DHCR24: variants seen among roughly 807,000 people sequenced by gnomAD.
DHCR24 encodes delta(24)-sterol reductase.
DHCR24 carries 28 observed loss-of-function variants against 61.2 expected under a neutral mutation model. The ratio of observed to expected loss-of-function variants is 0.46; its 90% confidence interval spans 0.34 to 0.63. DHCR24 has a LOEUF of 0.63. Ranked by LOEUF, DHCR24 falls within the 20% of genes least tolerant of loss-of-function variation. The pLI is 0.01. For missense variants in DHCR24, 538 were observed against 679.1 expected (o/e 0.79, Z 2.31); for synonymous variants, 261 against 275.9 (o/e 0.95, Z 0.54).
At chr1:54,868,409 G>C (rs1406318645) in intron 5 of DHCR24, among the ~76,000 whole-genome samples, 2 of 152,022 alleles carry the variant, frequency 1.3e-5, no homozygotes, top group Admixed American at 1.3e-4. Flanking sequence ...GGTGGAGCTT[G>C]CAGTGAGCCG....
chr1:54,852,858 C>T (rs921190339), intron 8 of DHCR24, among the ~76,000 whole-genome samples: 1 of 152,184 alleles, frequency 6.6e-6, no homozygotes, highest in Non-Finnish European at 1.5e-5. Context: ...CTTAGTTATC[C>T]GTTGCCCTCT....
intron 6 of DHCR24, among the ~76,000 whole-genome samples, chr1:54,861,609 C>G (rs550545193): frequency 2.3e-4 from 35 of 152,256 alleles, no homozygotes; most frequent in African/African-American, 8.2e-4. Context: ...CATAACACAC[C>G]CTTGGGTCCT....
intron 6 of DHCR24, among the ~76,000 whole-genome samples, chr1:54,860,424 G>A (rs1369219583): frequency 6.6e-6 from 1 of 152,112 alleles, no homozygotes; most frequent in Non-Finnish European, 1.5e-5. Flanking sequence ...CCCTCTTTAA[G>A]TGGTATCATT....
intron 8 of DHCR24, among the ~76,000 whole-genome samples, chr1:54,852,835 T>A (rs1173004037): frequency 6.6e-6 from 1 of 152,186 alleles, no homozygotes; most frequent in Admixed American, 6.5e-5. Context: ...AGCCCCAAAC[T>A]TTCCCCATGC....
intron 6 of DHCR24, among the ~76,000 whole-genome samples, chr1:54,856,941 G>C (rs1570181232): frequency 6.6e-6 from 1 of 152,168 alleles, no homozygotes; most frequent in Non-Finnish European, 1.5e-5. Flanking sequence ...CATTCTGATA[G>C]GTGAAAAATG....
chr1:54,880,113 T>TG (rs1220068854), intron 2 of DHCR24, among the ~76,000 whole-genome samples: 1 of 151,996 alleles, frequency 6.6e-6, no homozygotes, highest in Non-Finnish European at 1.5e-5. Flanking sequence ...GCCAGACTGT[T>TG]CAGGAAAAAA....
Position 54,871,615 on chromosome 1 carries a change from T to C in DHCR24, c.613-2A>G. ...ATAGAACAGGTCTGAGTTTTCGGAC[T>C]GTGAGACAGAATTGATGTGTTGTGA... On this transcript the variant is annotated splice_acceptor_variant, in intron 4 of 8. Transcript: ENST00000371269. LOFTEE classifies it high-confidence loss of function. The C allele has an allele frequency of 1.2e-6, 2 of 1,614,184 alleles. No individual in the cohort carries two copies. The highest frequency in any genetic ancestry group is 1.7e-6 in the Non-Finnish European group (2 of 1,180,032).
intron 4 of DHCR24, 90 bp downstream of exon 4, chr1:54,875,003 G>T: frequency 1.8e-6 from 2 of 1,118,638 alleles, no homozygotes; most frequent in Middle Eastern, 2.0e-4. Flanking sequence ...TACTGGGAAT[G>T]AAGCACACCT....
At chr1:54,874,971 A>G in intron 4 of DHCR24, 122 bp downstream of exon 4, 1 of 869,624 alleles carries the variant, frequency 1.1e-6, no homozygotes, top group Non-Finnish European at 2.0e-6. Flanking sequence ...TTGTTTACAG[A>G]TATAGACCCA....
intron 5 of DHCR24, among the ~76,000 whole-genome samples, chr1:54,870,047 C>G (rs1189377082): frequency 6.7e-6 from 1 of 149,952 alleles, no homozygotes; most frequent in Non-Finnish European, 1.5e-5. Context: ...GAGTGAGACT[C>G]CATCTCAAAA....
At chr1:54,879,217 G>GTTGTGA in intron 2 of DHCR24, among the ~76,000 whole-genome samples, 2 of 151,780 alleles carry the variant, frequency 1.3e-5, no homozygotes, top group Admixed American at 1.3e-4. Flanking sequence ...TACTCGGGAG[G>GTTGTGA]CTGTGACAGG....
intron 2 of DHCR24, among the ~76,000 whole-genome samples, chr1:54,877,610 TA>T (rs1647040971): frequency 6.6e-6 from 1 of 151,536 alleles, no homozygotes; most frequent in African/African-American, 2.4e-5. Flanking sequence ...AAAATTATTT[TA>T]AAAAAAGGTG....
chr1:54,861,671 A>G (rs932602501), intron 6 of DHCR24, among the ~76,000 whole-genome samples: 5 of 152,090 alleles, frequency 3.3e-5, no homozygotes, highest in Admixed American at 2.0e-4. Flanking sequence ...ATGGTTAAAT[A>G]TAACTCTCTG....
At chr1:54,860,672 A>C (rs4927168) in intron 6 of DHCR24, among the ~76,000 whole-genome samples, 128,767 of 152,214 alleles carry the variant, frequency 0.85, 55,654 homozygotes, top group Middle Eastern at 0.95. Context: ...TCCTGGAAAA[A>C]CGTCACTTTC....
chr1:54,878,656 T>C (rs1647048347), intron 2 of DHCR24, among the ~76,000 whole-genome samples: 1 of 151,458 alleles, frequency 6.6e-6, no homozygotes, highest in Admixed American at 6.6e-5. Flanking sequence ...GTACTCAAAA[T>C]GATCTTGCCT....
rs768182492 is a variant in DHCR24 at position 54,876,059 on chromosome 1, A to C, written c.388-12T>G. On this transcript the variant is annotated splice_polypyrimidine_tract_variant and intron_variant, in intron 2 of 8. Coordinates refer to ENST00000371269, the MANE Select transcript of DHCR24 (RefSeq NM_014762.4). ...TCCACACGGACAATCTGTTGACACA[A>C]GAAAAGAGACCCTGGGTCAAAAGGA... 7.5e-6 allele frequency: 12 copies of C among 1,609,814 alleles called. No individual in the cohort carries two copies. In the African/African-American group the frequency reaches 1.5e-4, roughly 20 times the overall value.
chr1:54,871,849 C>T (rs1188393909), intron 4 of DHCR24, among the ~76,000 whole-genome samples: 1 of 152,172 alleles, frequency 6.6e-6, no homozygotes, highest in African/African-American at 2.4e-5. Context: ...AGAGAGCATC[C>T]TCCTTCTCCC....
chr1:54,882,410 A>G (rs779989186), intron 2 of DHCR24, among the ~76,000 whole-genome samples: 20 of 152,252 alleles, frequency 1.3e-4, no homozygotes, highest in Non-Finnish European at 7.3e-5. Flanking sequence ...AAAATGCTAC[A>G]ATCACTTGGA....
At chr1:54,878,514 C>CAAAAAAAAAA (rs56198608) in intron 2 of DHCR24, among the ~76,000 whole-genome samples, 20 of 54,324 alleles carry the variant, frequency 3.7e-4, no homozygotes, top group African/African-American at 5.7e-4. Flanking sequence ...AACTCTGTCT[C>CAAAAAAAAAA]AAAAAAAAAA....
Sources: gnomAD v4.1 joint callset for allele counts (sites outside exome capture counted in the v4.1 genomes callset) on GRCh38, gnomAD v4.1.1 for gene constraint, MANE v1.5 for transcripts, NCBI Gene and HGNC (gene_info 2026-07-23, HGNC 2026-07-21) for gene names.